Variants in SRGAP1 observed in about 807,000 individuals in gnomAD.
SRGAP1 encodes SLIT-ROBO Rho GTPase activating protein 1.
Under a neutral mutation model 121.9 loss-of-function variants are expected in SRGAP1, and 43 were observed. That is an observed-to-expected ratio of 0.35 (90% CI 0.28 to 0.46). The LOEUF is 0.46. Ranked by LOEUF, SRGAP1 falls within the 20% of genes least tolerant of loss-of-function variation. The pLI is 1.00. For synonymous variants in SRGAP1, 447 were observed against 485.4 expected, an observed-to-expected ratio of 0.92 and a Z score of 1.04; for missense variants, 1,102 against 1,350.9, an observed-to-expected ratio of 0.82 and a Z score of 2.89.
chr12:63,879,830 G>A (rs1030741549), intron 1 of SRGAP1, among the ~76,000 whole-genome samples: 7 of 152,156 alleles, frequency 4.6e-5, no homozygotes, highest in African/African-American at 1.7e-4. Flanking sequence ...TCCCCATAAT[G>A]TAAGATTGTT....
intron 1 of SRGAP1, among the ~76,000 whole-genome samples, chr12:63,849,951 CATT>C (rs1014849644): frequency 6.6e-5 from 10 of 152,260 alleles, no homozygotes; most frequent in East Asian, 1.9e-4. Flanking sequence ...TTGAAGGAGT[CATT>C]GTTGGAACTA....
intron 18 of SRGAP1, among the ~76,000 whole-genome samples, chr12:64,122,162 C>A (rs1364701767): frequency 6.6e-6 from 1 of 152,178 alleles, no homozygotes; most frequent in Non-Finnish European, 1.5e-5. Context: ...CAGCACCAGG[C>A]AGTCAGGGAA....
chr12:63,861,351 G>A (rs537161473), intron 1 of SRGAP1, among the ~76,000 whole-genome samples: 67 of 149,872 alleles, frequency 4.5e-4, no homozygotes, highest in Admixed American at 2.9e-3. Flanking sequence ...CCAGGCTGGA[G>A]TGCAGTGGCA....
At chr12:64,136,120 T>C (rs1227240937) in intron 21 of SRGAP1, among the ~76,000 whole-genome samples, 3 of 152,208 alleles carry the variant, frequency 2.0e-5, no homozygotes, top group Non-Finnish European at 4.4e-5. Context: ...CCCAGCCCAC[T>C]AACTCCAATG....
intron 1 of SRGAP1, among the ~76,000 whole-genome samples, chr12:63,878,364 T>C (rs998398447): frequency 6.6e-6 from 1 of 152,246 alleles, no homozygotes; most frequent in African/African-American, 2.4e-5. Context: ...TGTATTCTAA[T>C]AAAGTTCTCT....
chr12:64,067,221 G>A (rs996345915), intron 8 of SRGAP1, among the ~76,000 whole-genome samples: 74 of 152,160 alleles, frequency 4.9e-4, no homozygotes, highest in Admixed American at 4.8e-3. Flanking sequence ...TAGGCATAAT[G>A]TGGAGAAGCA....
intron 14 of SRGAP1, 42 bp from the exon 15 acceptor site, chr12:64,097,199 A>C: frequency 6.4e-7 from 1 of 1,553,970 alleles, no homozygotes; most frequent in Non-Finnish European, 8.6e-7. Flanking sequence ...TTCAGAGAAA[A>C]AGAAGCACTG....
chr12:63,906,560 G>A lies in SRGAP1; in HGVS notation c.67+61677G>A, dbSNP rs542405170. ...AATCTCCTGACCTCGTGATCTGCCC[G>A]CCTCGGCCTCCCAAAGTGCTGGGAT... On this transcript the variant is annotated intron_variant, in intron 1 of 21. Transcript: ENST00000355086. Among the ~76,000 whole-genome samples, 8 of 152,090 alleles carry A rather than the reference G, an allele frequency of 5.3e-5. No individual in the cohort carries two copies. The East Asian group carries it at 5.8e-4, about 11-fold the overall frequency.
At chr12:64,050,665 T>G (rs756149510) in intron 6 of SRGAP1, among the ~76,000 whole-genome samples, 3 of 152,192 alleles carry the variant, frequency 2.0e-5, no homozygotes, top group African/African-American at 4.8e-5. Context: ...GATTACACAT[T>G]ATGTCTGGAT....
Position 64,111,927 on chromosome 12 carries a change from A to G in SRGAP1, c.2085A>G (p.Pro695=), listed in dbSNP as rs2036435983. ...TCATCCACCATGAGACTATTTTCCC[A>G]GATGCTAAAGAGCTGGATGGCCCTG... is the stretch of plus-strand genomic sequence containing the variant. The part of the protein sequence containing the change: ...TIIIHHETIF[P]DAKELDGPVY... The change falls in exon 17 of 22, where the codon CCA becomes CCG. Residue 695 remains proline (P), a synonymous_variant. Coordinates refer to ENST00000355086, the MANE Select transcript of SRGAP1 (RefSeq NM_020762.4). 6.2e-7 allele frequency: 1 copy of G among 1,614,100 alleles called. No individual in the cohort carries two copies. Among genetic ancestry groups the G allele is most frequent in the Non-Finnish European group, 8.5e-7 (1 of 1,179,992 alleles).
chr12:64,151,227 T>C lies in SRGAP1; in HGVS notation c.*8555T>C, dbSNP rs1197532692. 2 of 152,212 alleles carry C rather than the reference T, an allele frequency of 1.3e-5. No homozygotes were observed. The highest frequency in any genetic ancestry group is 4.8e-5 in the African/African-American group (2 of 41,464). 9.4% of individuals were successfully genotyped at this position (152,212 alleles called of 1,614,324 possible). Reference sequence around the variant, plus strand: ...GTCTTCTAATCCTTACATTATGTTATTTTTAAGCAGAGTCAAACTCATATT... The same window carrying C: ...GTCTTCTAATCCTTACATTATGTTACTTTTAAGCAGAGTCAAACTCATATT... On this transcript the variant is annotated 3_prime_UTR_variant, in exon 22 of 22. Transcript: ENST00000355086.
chr12:63,920,576 T>C (rs1322785174), intron 1 of SRGAP1, among the ~76,000 whole-genome samples: 1 of 152,184 alleles, frequency 6.6e-6, no homozygotes, highest in African/African-American at 2.4e-5. Context: ...TTTTAAAATA[T>C]GTTGGCTTCT....
chr12:63,875,746 G>C (rs1206370016), intron 1 of SRGAP1, among the ~76,000 whole-genome samples: 1 of 152,196 alleles, frequency 6.6e-6, no homozygotes, highest in Non-Finnish European at 1.5e-5. Context: ...GTAATTCTTT[G>C]TAAGAACGTA....
At chr12:63,886,448 CTTTT>C (rs1366991816) in intron 1 of SRGAP1, among the ~76,000 whole-genome samples, 1 of 149,496 alleles carries the variant, frequency 6.7e-6, no homozygotes, top group Non-Finnish European at 1.5e-5. Context: ...CTTTTTTTTA[CTTTT>C]TTATTTTAGA....
rs781500448 is a variant in SRGAP1, at chr12:63,989,919, G to A, written c.273G>A (p.Gln91=). ...TTTCTTCACTTCTTAGGAAAGACCA[G>A]AACCTGTTGTCTCCAGTGAACTGCT... ...TKDHQQYKKD[Q]NLLSPVNCWY... The change falls in exon 3 of 22, where the codon CAG becomes CAA. Residue 91 remains glutamine (Q), a synonymous_variant. Coordinates refer to ENST00000355086, the MANE Select transcript of SRGAP1 (RefSeq NM_020762.4). 3.2e-5 allele frequency: 52 copies of A among 1,606,322 alleles called. No individual in the cohort carries two copies. The highest frequency in any genetic ancestry group is 4.4e-5 in the Non-Finnish European group (52 of 1,177,674).
rs1379316556 is a variant in SRGAP1, at chr12:64,146,627, G to GA, written c.*3958dup. On this transcript the variant is annotated 3_prime_UTR_variant, in exon 22 of 22. Coordinates refer to ENST00000355086, the MANE Select transcript of SRGAP1 (RefSeq NM_020762.4). ...CAGTGAGAGGCCATTTTTTGTGCAG[G>GA]AAATGTGCTTAGGACTCAGTCTTGT... 1 of 152,094 alleles carries GA rather than the reference G, an allele frequency of 6.6e-6. No individual in the cohort carries two copies. 9.4% of individuals were successfully genotyped at this position (152,094 alleles called of 1,614,324 possible).
At chr12:64,105,372 C>G (rs699627) in intron 15 of SRGAP1, among the ~76,000 whole-genome samples, 94,870 of 152,120 alleles carry the variant, frequency 0.62, 31,087 homozygotes, top group African/African-American at 0.82. Context: ...TCTGAAACTG[C>G]TGTACAAATA....
chr12:63,918,334 A>T (rs1347227120), intron 1 of SRGAP1, among the ~76,000 whole-genome samples: 1 of 152,206 alleles, frequency 6.6e-6, no homozygotes, highest in Non-Finnish European at 1.5e-5. Context: ...AAGGTCACCC[A>T]GCTAAGAAGA....
intron 1 of SRGAP1, among the ~76,000 whole-genome samples, chr12:63,877,982 T>A (rs1900082186): frequency 6.6e-6 from 1 of 152,246 alleles, no homozygotes; most frequent in Non-Finnish European, 1.5e-5. Context: ...TAAAACACTT[T>A]TGCCTTTCTG....
Sources: allele counts gnomAD v4.1 joint callset (sites outside exome capture counted in the v4.1 genomes callset), GRCh38; gene constraint gnomAD v4.1.1; transcripts MANE v1.5; gene names NCBI Gene and HGNC (gene_info 2026-07-23, HGNC 2026-07-21).